Variants in HMG20A observed in about 807,000 individuals in gnomAD.
The protein encoded by HMG20A is high mobility group 20A.
In HMG20A, 17 loss-of-function variants were observed where a neutral mutation model predicts 43.9. The ratio of observed to expected loss-of-function variants is 0.39; its 90% CI spans 0.27 to 0.58. The LOEUF is 0.58. HMG20A is among the 20% of genes least tolerant of loss of function. The pLI is 0.59. For missense variants in HMG20A, 341 were observed against 438.2 expected, an observed-to-expected ratio of 0.78 and a Z score of 1.98; for synonymous variants, 132 against 147.5, an observed-to-expected ratio of 0.89 and a Z score of 0.76.
the HMG20A span, among the ~76,000 whole-genome samples, chr15:77,493,379 C>G: frequency 1.3e-5 from 2 of 151,886 alleles, no homozygotes; most frequent in African/African-American, 4.8e-5. Context: ...TTTAGAGGAG[C>G]TGAAAGAAAA....
intron 1 of HMG20A, among the ~76,000 whole-genome samples, chr15:77,433,226 T>C (rs1405174690): frequency 6.6e-6 from 1 of 151,022 alleles, no homozygotes; most frequent in Non-Finnish European, 1.5e-5. Context: ...CGTGCACCTA[T>C]AGTCCTAGCT....
intron 1 of HMG20A, among the ~76,000 whole-genome samples, chr15:77,451,244 G>A (rs1171622984): frequency 6.6e-6 from 1 of 152,184 alleles, no homozygotes; most frequent in African/African-American, 2.4e-5. Context: ...GTTTTTGTGT[G>A]GACGTAAGTT....
In HMG20A at chr15:77,443,603, G is replaced by T. The variant is rs146127818; in HGVS notation, c.-4-14801G>T. 3.6e-3 allele frequency among the ~76,000 whole-genome samples: 553 copies of T among 151,692 alleles called. 2 individuals carry two copies. The highest frequency in any genetic ancestry group is 0.011 in the African/African-American group (445 of 41,390). On this transcript the variant is annotated intron_variant, in intron 1 of 9. Transcript: ENST00000336216. ...GACAGGGTTTCACCATGTTGGCCAG[G>T]CTCGTCTTGAACTCCTGACCTCAAG...
At chr15:77,493,167 G>A in the HMG20A span, among the ~76,000 whole-genome samples, 1 of 152,178 alleles carries the variant, frequency 6.6e-6, no homozygotes, top group Admixed American at 6.5e-5. Context: ...ACAAACTTAA[G>A]TAGATGTGAT....
chr15:77,428,843 G>A (rs1036651587), intron 1 of HMG20A, among the ~76,000 whole-genome samples: 2 of 151,970 alleles, frequency 1.3e-5, no homozygotes, highest in Non-Finnish European at 2.9e-5. Context: ...ATATACACAT[G>A]TGGTCATAGC....
chr15:77,433,871 A>G (rs1236672941), intron 1 of HMG20A, among the ~76,000 whole-genome samples: 2 of 152,242 alleles, frequency 1.3e-5, no homozygotes, highest in Non-Finnish European at 2.9e-5. Context: ...ATTTGTGTAC[A>G]TGATGGAAGG....
intron 1 of HMG20A, among the ~76,000 whole-genome samples, chr15:77,438,443 T>C (rs2073574225): frequency 6.6e-6 from 1 of 152,164 alleles, no homozygotes; most frequent in South Asian, 2.1e-4. Flanking sequence ...ACATGTCTTT[T>C]AATCAGAATA....
downstream of HMG20A, among the ~76,000 whole-genome samples, chr15:77,486,664 C>T (rs1251418426): frequency 6.6e-6 from 1 of 152,180 alleles, no homozygotes; most frequent in African/African-American, 2.4e-5. Flanking sequence ...AACCTGGTTT[C>T]CAGAGCCTGC....
chr15:77,461,431 C>G (rs1295591231), intron 2 of HMG20A, among the ~76,000 whole-genome samples: 4 of 151,946 alleles, frequency 2.6e-5, no homozygotes, highest in Non-Finnish European at 5.9e-5. Flanking sequence ...TTGGACTGAT[C>G]CTGTAGAGAG....
chr15:77,429,847 C>T (rs1320644531), intron 1 of HMG20A, among the ~76,000 whole-genome samples: 1 of 151,936 alleles, frequency 6.6e-6, no homozygotes, highest in Non-Finnish European at 1.5e-5. Flanking sequence ...AAAGGAGAAA[C>T]ATCAGAAGAA....
At chr15:77,500,006 T>G in the HMG20A span, among the ~76,000 whole-genome samples, 3 of 152,030 alleles carry the variant, frequency 2.0e-5, no homozygotes, top group African/African-American at 7.2e-5. Flanking sequence ...AATTTTTGTA[T>G]TTTTAGTAGA....
the HMG20A span, among the ~76,000 whole-genome samples, chr15:77,510,259 G>C: frequency 6.6e-6 from 1 of 152,194 alleles, no homozygotes; most frequent in Non-Finnish European, 1.5e-5. Context: ...ACCCTCGGGA[G>C]GTAGGCTGGG....
chr15:77,467,902 C>A (rs1399350805), intron 4 of HMG20A, among the ~76,000 whole-genome samples: 1 of 152,204 alleles, frequency 6.6e-6, no homozygotes, highest in Non-Finnish European at 1.5e-5. Flanking sequence ...TGAAGTACCA[C>A]TAAAGCTGAG....
chr15:77,459,218 C>T (rs967435451), intron 2 of HMG20A, among the ~76,000 whole-genome samples: 3 of 152,178 alleles, frequency 2.0e-5, no homozygotes, highest in Non-Finnish European at 4.4e-5. Context: ...TTATGTCTCA[C>T]CTCGTTGATA....
chr15:77,450,566 A>G (rs1018819917), intron 1 of HMG20A, among the ~76,000 whole-genome samples: 20 of 152,222 alleles, frequency 1.3e-4, no homozygotes, highest in Admixed American at 2.6e-4. Flanking sequence ...TTCATGTGCT[A>G]CCAATAAGAA....
At chr15:77,494,014 T>C in the HMG20A span, among the ~76,000 whole-genome samples, 1 of 152,222 alleles carries the variant, frequency 6.6e-6, no homozygotes, top group Non-Finnish European at 1.5e-5. Flanking sequence ...AGACTTTTTT[T>C]ATTAGAACTT....
intron 2 of HMG20A, among the ~76,000 whole-genome samples, chr15:77,458,983 A>G (rs2072681458): frequency 1.3e-5 from 2 of 152,134 alleles, no homozygotes; most frequent in African/African-American, 4.8e-5. Flanking sequence ...ATTTAAAGAG[A>G]TATAGAAAAG....
At position 77,477,659 on chromosome 15, in the gene HMG20A, C is replaced by T. The variant is rs1390344954; in HGVS notation, c.691+29C>T. 3 of 1,510,294 alleles carry T rather than the reference C, an allele frequency of 2.0e-6. No homozygotes were observed. In the Admixed American group the frequency reaches 5.3e-5, roughly 27 times the overall value. The allele number at this position is 1,510,294 out of a possible 1,614,324, so 93.6% of individuals were successfully genotyped here. On this transcript the variant is annotated intron_variant, in intron 7 of 9. Transcript: ENST00000336216. ...ATTACTGAAGTTTCTTTTTGTGTTTCTCAGATTTTTGACAGGGGACTTAGT... is the reference window on the plus strand; with the variant it reads ...ATTACTGAAGTTTCTTTTTGTGTTTTTCAGATTTTTGACAGGGGACTTAGT...
chr15:77,503,174 G>A, the HMG20A span, among the ~76,000 whole-genome samples: 1 of 152,162 alleles, frequency 6.6e-6, no homozygotes, highest in Admixed American at 6.5e-5. Context: ...AGCATAGATA[G>A]ATAAGTTGCA....
Sources: gnomAD v4.1 joint callset for allele counts (sites outside exome capture counted in the v4.1 genomes callset) on GRCh38, gnomAD v4.1.1 for gene constraint, MANE v1.5 for transcripts, NCBI Gene and HGNC (gene_info 2026-07-23, HGNC 2026-07-21) for gene names.